Variants in EPM2A observed in about 807,000 individuals in gnomAD.
EPM2A encodes the protein EPM2A glucan phosphatase, laforin, also known as laforin.
In EPM2A, 21 loss-of-function variants were observed where a neutral mutation model predicts 26.5. The observed-to-expected ratio is 0.79, with a 90% CI of 0.56 to 1.14. The LOEUF (loss-of-function observed/expected upper bound fraction) is 1.14. Among genes scored for constraint, EPM2A ranks in the 50% most tolerant of loss-of-function variants. The pLI, the probability that EPM2A is intolerant of heterozygous loss-of-function variation, is 0.00. For synonymous variants in EPM2A, 217 were observed against 177.6 expected (o/e 1.22, Z -1.76); for missense variants, 458 against 440.8 (o/e 1.04, Z -0.35).
At chr6:145,555,336 A>G (rs1371748887) in intron 2 of EPM2A, among the ~76,000 whole-genome samples, 3 of 152,068 alleles carry the variant, frequency 2.0e-5, no homozygotes, top group Non-Finnish European at 2.9e-5. Context: ...GCCTTTGTGC[A>G]TATGGCTTCC....
At chr6:145,716,296 T>C (rs1168963769) in intron 1 of EPM2A, among the ~76,000 whole-genome samples, 1 of 152,200 alleles carries the variant, frequency 6.6e-6, no homozygotes. Context: ...CTATGGTATG[T>C]GAATTACATC....
At chr6:145,546,542 T>G (rs1706102032) in intron 2 of EPM2A, among the ~76,000 whole-genome samples, 1 of 152,132 alleles carries the variant, frequency 6.6e-6, no homozygotes, top group African/African-American at 2.4e-5. Flanking sequence ...ACCAGTCAAG[T>G]TGACACCTAA....
At chr6:145,449,736 T>A (rs920840574) in intron 4 of EPM2A, among the ~76,000 whole-genome samples, 4 of 152,210 alleles carry the variant, frequency 2.6e-5, no homozygotes, top group African/African-American at 9.6e-5. Flanking sequence ...AATTTCAGAT[T>A]TTCAATGGAC....
At chr6:145,485,451 T>C (rs1382289225) in intron 4 of EPM2A, among the ~76,000 whole-genome samples, 2 of 152,052 alleles carry the variant, frequency 1.3e-5, no homozygotes, top group African/African-American at 4.8e-5. Flanking sequence ...TCTTGGCCTT[T>C]ACTGGCAGGG....
intron 4 of EPM2A, among the ~76,000 whole-genome samples, chr6:145,426,254 C>A (rs1454151547): frequency 6.6e-6 from 1 of 152,174 alleles, no homozygotes; most frequent in East Asian, 1.9e-4. Flanking sequence ...CCATTAGAAT[C>A]ATGGCAGTCT....
chr6:145,635,283 G>A lies in EPM2A; in HGVS notation c.680C>T (p.Ala227Val), dbSNP rs147399860. The A allele has an allele frequency of 1.2e-3, 1,929 of 1,614,150 alleles. 5 individuals carry two copies. The highest frequency in any genetic ancestry group is 3.3e-3 in the Middle Eastern group (20 of 6,062). Residue 227 changes from alanine to valine, a missense_variant, in exon 3 of 4, where the codon GCC (alanine) becomes GTC (valine). Physicochemically the swap from Ala to Val is moderately conservative, Grantham distance 64. Coordinates refer to ENST00000367519, the MANE Select transcript of EPM2A (RefSeq NM_005670.4). ...ATCTGGTGTTGGCATCCAGATGTAG[G>A]CCAAGCCTTCTTCCCTATATAGTTT... is the stretch of plus-strand genomic sequence containing the variant. ...MIKLYREEGL[A>V]YIWMPTPDMS...
At chr6:145,473,917 G>A (rs1164686951) in intron 4 of EPM2A, among the ~76,000 whole-genome samples, 1 of 152,078 alleles carries the variant, frequency 6.6e-6, no homozygotes, top group African/African-American at 2.4e-5. Context: ...ATGTTAAAGG[G>A]AGTACTTCAA....
chr6:145,616,466 G>A (rs542421526), intron 2 of EPM2A, among the ~76,000 whole-genome samples: 5 of 152,366 alleles, frequency 3.3e-5, no homozygotes, highest in African/African-American at 1.2e-4. Context: ...GAAGGGAAAT[G>A]TGGGGTCAGA....
At chr6:145,567,066 A>AG (rs1780893416) in intron 2 of EPM2A, among the ~76,000 whole-genome samples, 2 of 152,158 alleles carry the variant, frequency 1.3e-5, no homozygotes, top group Non-Finnish European at 2.9e-5. Flanking sequence ...GCCCCATCCT[A>AG]TTGAGTCTCC....
intron 4 of EPM2A, among the ~76,000 whole-genome samples, chr6:145,488,520 TGTGAGA>T (rs1454040835): frequency 1.4e-4 from 19 of 136,608 alleles, no homozygotes; most frequent in East Asian, 4.2e-4. Flanking sequence ...TGTGTGTGTG[TGTGAGA>T]GAGAGAGAGA....
chr6:145,695,810 C>T lies in EPM2A; in HGVS notation c.302-9514G>A, dbSNP rs150327522. Among the ~76,000 whole-genome samples the T allele has an allele frequency of 2.3e-3, 345 of 152,040 alleles. 3 individuals carry two copies. The highest frequency in any genetic ancestry group is 0.02 in the Middle Eastern group (6 of 294). Reference sequence around the variant, plus strand: ...TAAGGCAGTTATTAAGCAATCTGAACGGAGAGATAGACTGAAATACTGTAA... The same window carrying T: ...TAAGGCAGTTATTAAGCAATCTGAATGGAGAGATAGACTGAAATACTGTAA... On this transcript the variant is annotated intron_variant, in intron 1 of 3. Transcript: ENST00000367519.
intron 1 of EPM2A, among the ~76,000 whole-genome samples, chr6:145,728,110 C>T (rs1352728206): frequency 6.6e-6 from 1 of 152,214 alleles, no homozygotes; most frequent in East Asian, 1.9e-4. Flanking sequence ...CCAAGCCATG[C>T]TTCCTGTACA....
At chr6:145,587,050 C>T (rs535441146) in intron 2 of EPM2A, among the ~76,000 whole-genome samples, 52 of 152,150 alleles carry the variant, frequency 3.4e-4, no homozygotes, top group Non-Finnish European at 6.2e-4. Context: ...CCCTTGAAAA[C>T]TCTTATCCTC....
At chr6:145,650,463 G>GATC (rs1243978700) in intron 2 of EPM2A, among the ~76,000 whole-genome samples, 1 of 151,478 alleles carries the variant, frequency 6.6e-6, no homozygotes, top group Non-Finnish European at 1.5e-5. Context: ...GAGGCACAAG[G>GATC]ATCACTTGAA....
intron 2 of EPM2A, among the ~76,000 whole-genome samples, chr6:145,580,926 T>C (rs1424209114): frequency 6.6e-6 from 1 of 152,182 alleles, no homozygotes; most frequent in Admixed American, 6.5e-5. Flanking sequence ...CCATTGATGG[T>C]ACTTAGTTTG....
intron 4 of EPM2A, among the ~76,000 whole-genome samples, chr6:145,477,373 A>G (rs1779555861): frequency 6.6e-6 from 1 of 151,860 alleles, no homozygotes; most frequent in Non-Finnish European, 1.5e-5. Context: ...TACCAATCCT[A>G]CTCAAAATAT....
rs61299104 is a variant in EPM2A, at chr6:145,390,563, T to TTCTCTCTCTCTCTCTC, written c.556-6482_556-6467dup. ...TATTTATCCATGTTGTGCATGCACA[T>TTCTCTCTCTCTCTCTC]TCTCTCTCTCTCTCTCTCTCTCTTT... is the stretch of plus-strand genomic sequence containing the variant. On this transcript the variant is annotated intron_variant, in intron 4 of 4. Transcript: ENST00000638717. Among the ~76,000 whole-genome samples, 1,327 of 148,604 alleles carry TTCTCTCTCTCTCTCTC rather than the reference T, an allele frequency of 8.9e-3. 9 individuals are homozygous for TTCTCTCTCTCTCTCTC. The highest frequency in any genetic ancestry group is 0.021 in the African/African-American group (850 of 40,464).
At chr6:145,627,754 G>A in intron 3 of EPM2A, 61 bp from the exon 4 acceptor site, 2 of 1,589,264 alleles carry the variant, frequency 1.3e-6, no homozygotes, top group Non-Finnish European at 8.5e-7. Flanking sequence ...CCGCCGCTGA[G>A]GTCTCCTCCA....
intron 2 of EPM2A, among the ~76,000 whole-genome samples, chr6:145,519,712 T>C (rs76395656): frequency 0.08 from 12,196 of 152,138 alleles, 573 homozygotes; most frequent in East Asian, 0.17. Flanking sequence ...CTTCAGACTT[T>C]TGAAGATTGT....
Sources: gnomAD v4.1 joint callset for allele counts (sites outside exome capture counted in the v4.1 genomes callset) on GRCh38, gnomAD v4.1.1 for gene constraint, MANE v1.5 for transcripts, NCBI Gene and HGNC (gene_info 2026-07-23, HGNC 2026-07-21) for gene names.